SEMA6D: variants seen among roughly 807,000 people sequenced by gnomAD.
The protein encoded by SEMA6D is semaphorin 6D.
SEMA6D carries 35 observed loss-of-function variants against 106.6 expected under a neutral mutation model. The observed-to-expected ratio is 0.33, with a 90% confidence interval of 0.25 to 0.44. The LOEUF (loss-of-function observed/expected upper bound fraction) is 0.44. Ranked by LOEUF, SEMA6D falls within the 20% of genes least tolerant of loss-of-function variation. The pLI, the probability that SEMA6D is intolerant of heterozygous loss-of-function variation, is 1.00. For synonymous variants in SEMA6D, 499 were observed against 487.7 expected (o/e 1.02, Z -0.31); for missense variants, 1,185 against 1,345.9 (o/e 0.88, Z 1.87).
In SEMA6D at chr15:47,768,747, G is replaced by T; in HGVS notation, c.1932G>T (p.Lys644Asn). The change falls in exon 18 of 19, where the codon AAG becomes AAT. Residue 644 changes from lysine to asparagine, a missense_variant and splice_region_variant. Around this residue, in one of 3 missense-constraint regions of SEMA6D, gnomAD observed 750 missense variants for 783.5 expected, o/e 0.96. Coordinates refer to ENST00000536845, the MANE Select transcript of SEMA6D (RefSeq NM_001358351.3). ...CTGATCCTTTATCGGGTATCCCAAAGGGTAAGGCCTCAGCAGGGACCTCAT... is the reference window on the plus strand; with the variant it reads ...CTGATCCTTTATCGGGTATCCCAAATGGTAAGGCCTCAGCAGGGACCTCAT... The part of the protein sequence containing the change: ...DFTDPLSGIP[K>N]GVRWEVQSGE... 6.2e-7 allele frequency: 1 copy of T among 1,612,196 alleles called. No homozygotes were observed. The highest frequency in any genetic ancestry group is 8.5e-7 in the Non-Finnish European group (1 of 1,178,840).
intron 4 of SEMA6D, among the ~76,000 whole-genome samples, chr15:47,693,579 T>C (rs2078635033): frequency 6.6e-6 from 1 of 152,112 alleles, no homozygotes. Flanking sequence ...TGCATATTAT[T>C]AGAATCACCT....
At chr15:47,629,665 A>T (rs893342180) in intron 4 of SEMA6D, among the ~76,000 whole-genome samples, 1 of 151,896 alleles carries the variant, frequency 6.6e-6, no homozygotes, top group African/African-American at 2.4e-5. Flanking sequence ...GTCAAACATT[A>T]CAACTCGCTT....
At chr15:47,263,027 A>G (rs182111429) in intron 1 of SEMA6D, among the ~76,000 whole-genome samples, 16 of 152,100 alleles carry the variant, frequency 1.1e-4, no homozygotes, top group Non-Finnish European at 1.0e-4. Context: ...CCCCTTTTTT[A>G]CATCATATAC....
intron 1 of SEMA6D, among the ~76,000 whole-genome samples, chr15:47,390,175 A>G (rs1208792610): frequency 1.3e-5 from 2 of 152,152 alleles, no homozygotes; most frequent in Non-Finnish European, 2.9e-5. Flanking sequence ...CTTGATGCCA[A>G]GCTGCATGTT....
intron 3 of SEMA6D, among the ~76,000 whole-genome samples, chr15:47,510,450 A>G (rs2044189719): frequency 2.0e-5 from 3 of 152,196 alleles, no homozygotes; most frequent in Non-Finnish European, 2.9e-5. Context: ...CCTGGCCCAT[A>G]GTAGACTCTC....
intron 3 of SEMA6D, among the ~76,000 whole-genome samples, chr15:47,474,962 A>G (rs1037048865): frequency 6.6e-6 from 1 of 152,206 alleles, no homozygotes; most frequent in South Asian, 2.1e-4. Context: ...CTACAGGGTG[A>G]TAGAGTCTCC....
At chr15:47,348,258 G>A (rs772052629) in intron 1 of SEMA6D, among the ~76,000 whole-genome samples, 1 of 152,106 alleles carries the variant, frequency 6.6e-6, no homozygotes, top group Non-Finnish European at 1.5e-5. Flanking sequence ...GCTAATGTCA[G>A]TTACTAGCAG....
chr15:47,409,901 G>A (rs144193917), intron 1 of SEMA6D, among the ~76,000 whole-genome samples: 25 of 152,024 alleles, frequency 1.6e-4, no homozygotes, highest in African/African-American at 5.3e-4. Context: ...CGGGGTTGTG[G>A]GGGGGGTGGG....
At chr15:47,605,985 A>G (rs2076773241) in intron 4 of SEMA6D, among the ~76,000 whole-genome samples, 1 of 152,134 alleles carries the variant, frequency 6.6e-6, no homozygotes, top group South Asian at 2.1e-4. Flanking sequence ...TTGGGGCTGA[A>G]AGCTCCAAGC....
chr15:47,210,811 C>T (rs12898300), intron 1 of SEMA6D, among the ~76,000 whole-genome samples: 62,599 of 147,668 alleles, frequency 0.42, 14,036 homozygotes, highest in African/African-American at 0.54. Context: ...CAGTGTGAAT[C>T]TGGCTGCGAA....
At chr15:47,471,288 T>C (rs867334733) in intron 3 of SEMA6D, among the ~76,000 whole-genome samples, 2 of 152,182 alleles carry the variant, frequency 1.3e-5, no homozygotes, top group Non-Finnish European at 2.9e-5. Context: ...TGCTGACTCT[T>C]AGTGATGTTT....
At chr15:47,290,633 C>T (rs868627782) in intron 1 of SEMA6D, among the ~76,000 whole-genome samples, 3,335 of 150,382 alleles carry the variant, frequency 0.022, 123 homozygotes, top group African/African-American at 0.077. Context: ...TATATATACA[C>T]ACACACACAC....
intron 1 of SEMA6D, among the ~76,000 whole-genome samples, chr15:47,303,976 G>A (rs752857924): frequency 2.0e-5 from 3 of 152,032 alleles, no homozygotes; most frequent in Non-Finnish European, 4.4e-5. Context: ...CAGAACACAC[G>A]GATAACTACA....
At chr15:47,345,093 A>G (rs1439454009) in intron 1 of SEMA6D, among the ~76,000 whole-genome samples, 1 of 152,214 alleles carries the variant, frequency 6.6e-6, no homozygotes, top group East Asian at 1.9e-4. Context: ...ATAAATAGGT[A>G]AATATACTGT....
intron 1 of SEMA6D, among the ~76,000 whole-genome samples, chr15:47,371,375 TCAAA>T (rs2039267305): frequency 6.6e-6 from 1 of 152,222 alleles, no homozygotes; most frequent in Non-Finnish European, 1.5e-5. Flanking sequence ...GATAGATTAA[TCAAA>T]CAAATGAATC....
At chr15:47,319,335 T>A (rs2036830786) in intron 1 of SEMA6D, among the ~76,000 whole-genome samples, 1 of 152,186 alleles carries the variant, frequency 6.6e-6, no homozygotes, top group Admixed American at 6.5e-5. Flanking sequence ...TCATGTTGTG[T>A]TTTTTGCCAT....
Position 47,771,660 on chromosome 15 carries a change from A to T in SEMA6D, c.3097A>T (p.Ser1033Cys), listed in dbSNP as rs778995863. 47 of 1,614,002 alleles carry T rather than the reference A, an allele frequency of 2.9e-5. No homozygotes were observed. Among genetic ancestry groups the T allele is most frequent in the Middle Eastern group, 1.6e-4 (1 of 6,084 alleles). The change falls in exon 19 of 19, where the codon AGT becomes TGT. Residue 1033 changes from serine to cysteine, a missense_variant. This residue lies in a region of SEMA6D where 750 missense variants were observed against 783.5 expected (regional missense o/e 0.96). Transcript: ENST00000536845. The part of the protein sequence containing the change: ...PSLSRQSSYT[S>C]NGTLPRTGLK... ...CCTCTCCAGACAGAGCAGCTACACC[A>T]GTAATGGCACTCTTCCTAGGACGGG... is the stretch of plus-strand genomic sequence containing the variant.
At chr15:47,294,994 AC>A (rs757548350) in intron 1 of SEMA6D, among the ~76,000 whole-genome samples, 43 of 152,126 alleles carry the variant, frequency 2.8e-4, no homozygotes, top group Non-Finnish European at 5.6e-4. Flanking sequence ...AATCATTAAT[AC>A]CCTTTTAGCC....
At chr15:47,389,428 G>GA (rs35391193) in intron 1 of SEMA6D, among the ~76,000 whole-genome samples, 12,794 of 146,364 alleles carry the variant, frequency 0.087, 651 homozygotes, top group Middle Eastern at 0.25. Flanking sequence ...GAACTCTGGA[G>GA]AAAAAAAAAA....
Sources: allele counts gnomAD v4.1 joint callset (sites outside exome capture counted in the v4.1 genomes callset), GRCh38; gene constraint gnomAD v4.1.1; regional missense constraint gnomAD v4.1.1; transcripts MANE v1.5; gene names NCBI Gene and HGNC (gene_info 2026-07-23, HGNC 2026-07-21).